The following FBN2 variants were observed in gnomAD, a reference collection of about 807,000 sequenced individuals.
The protein encoded by FBN2 is fibrillin-2.
A neutral mutation model predicts 355.6 loss-of-function variants in FBN2; 105 were observed. That is an observed-to-expected ratio of 0.30 (90% CI 0.25 to 0.35). The LOEUF is 0.35. FBN2 is among the 10% of genes least tolerant of loss of function. The pLI is 1.00. For synonymous variants in FBN2, 1,350 were observed against 1,301.2 expected, an observed-to-expected ratio of 1.04 and a Z score of -0.81; for missense variants, 3,280 against 3,758.7, an observed-to-expected ratio of 0.87 and a Z score of 3.33.
At chr5:128,340,260 A>G (rs1401657051) in intron 25 of FBN2, among the ~76,000 whole-genome samples, 1 of 152,220 alleles carries the variant, frequency 6.6e-6, no homozygotes, top group Non-Finnish European at 1.5e-5. Context: ...AAGTTTTAAA[A>G]TCACAGGATT....
intron 60 of FBN2, 44 bp downstream of exon 60, chr5:128,274,523 C>A (rs750128656): frequency 1.0e-6 from 1 of 1,003,708 alleles, no homozygotes; most frequent in South Asian, 1.3e-5. Context: ...TTTTATGCAT[C>A]TACTAGAAGT....
intron 6 of FBN2, 49 bp downstream of exon 6, chr5:128,464,675 G>C: frequency 6.3e-7 from 1 of 1,589,466 alleles, no homozygotes; most frequent in Admixed American, 1.7e-5. Context: ...CCAACAAAAA[G>C]AGAAGTGGCA....
At chr5:128,275,058 A>G (rs1765355936) in intron 59 of FBN2, among the ~76,000 whole-genome samples, 1 of 152,138 alleles carries the variant, frequency 6.6e-6, no homozygotes, top group Non-Finnish European at 1.5e-5. Context: ...TAAAAATGAA[A>G]CAGAATCTAG....
intron 5 of FBN2, among the ~76,000 whole-genome samples, chr5:128,496,023 G>A (rs58360227): frequency 8.4e-4 from 128 of 152,174 alleles, no homozygotes; most frequent in African/African-American, 3.0e-3. Context: ...TTTATAGTAG[G>A]TAAAGGGATT....
Position 128,335,262 on chromosome 5 carries a change from C to G in FBN2, c.3881G>C (p.Cys1294Ser), listed in dbSNP as rs1750804168. ...IDECENNPDI[C>S]DGGQCTNIPG... ...AATGTTGGTACACTGGCCGCCATCACAGATATCAGGATTGTTTTCACATTC... is the reference window on the plus strand; with the variant it reads ...AATGTTGGTACACTGGCCGCCATCAGAGATATCAGGATTGTTTTCACATTC... The change falls in exon 30 of 65, where the codon TGT becomes TCT. Residue 1294 changes from cysteine (C) to serine (S), a missense_variant. Transcript: ENST00000262464. The G allele has an allele frequency of 6.2e-7, 1 of 1,614,104 alleles. No homozygotes were observed. Among genetic ancestry groups the G allele is most frequent in the Non-Finnish European group, 8.5e-7 (1 of 1,179,982 alleles).
chr5:128,486,863 G>A (rs1185070544), intron 5 of FBN2, among the ~76,000 whole-genome samples: 1 of 152,074 alleles, frequency 6.6e-6, no homozygotes, highest in Non-Finnish European at 1.5e-5. Context: ...GAGAACTGCA[G>A]TGTTTGGTTT....
At chr5:128,397,865 T>C (rs1171627825) in intron 8 of FBN2, among the ~76,000 whole-genome samples, 1 of 152,100 alleles carries the variant, frequency 6.6e-6, no homozygotes, top group Admixed American at 6.6e-5. Context: ...AAAGCCCAGA[T>C]TCCACTCTCC....
intron 8 of FBN2, among the ~76,000 whole-genome samples, chr5:128,403,155 T>G (rs1486843940): frequency 2.0e-5 from 3 of 152,062 alleles, no homozygotes; most frequent in Non-Finnish European, 4.4e-5. Context: ...GTGTAATACA[T>G]AAATAATTCT....
intron 6 of FBN2, among the ~76,000 whole-genome samples, chr5:128,460,737 G>A (rs1400254269): frequency 1.3e-5 from 2 of 152,126 alleles, no homozygotes; most frequent in African/African-American, 2.4e-5. Context: ...CAACAAACCT[G>A]ACAAAAACAA....
intron 11 of FBN2, among the ~76,000 whole-genome samples, chr5:128,389,869 G>C (rs1208045338): frequency 2.0e-5 from 3 of 152,192 alleles, no homozygotes; most frequent in Admixed American, 6.5e-5. Flanking sequence ...CAGGGTCTGT[G>C]TGCTCCTTCC....
At chr5:128,430,098 G>A (rs559284525) in intron 7 of FBN2, among the ~76,000 whole-genome samples, 2 of 152,028 alleles carry the variant, frequency 1.3e-5, no homozygotes, top group South Asian at 2.1e-4. Context: ...TTTCTGTTAG[G>A]TGTTAGCCAT....
intron 16 of FBN2, among the ~76,000 whole-genome samples, chr5:128,368,359 G>A (rs1372441769): frequency 6.6e-6 from 1 of 150,462 alleles, no homozygotes; most frequent in Non-Finnish European, 1.5e-5. Flanking sequence ...TGTGACTTGA[G>A]ACCACTTGGT....
chr5:128,537,210 T>C (rs1756874389), intron 1 of FBN2, 140 bp downstream of exon 1: 3 of 1,410,742 alleles, frequency 2.1e-6, no homozygotes, highest in Middle Eastern at 2.5e-4. Context: ...TGGGGGTCTT[T>C]GGATATTCTG....
chr5:128,446,380 G>T, intron 7 of FBN2, 101 bp downstream of exon 7: 5 of 1,233,728 alleles, frequency 4.1e-6, no homozygotes, highest in Non-Finnish European at 5.9e-6. Flanking sequence ...TAGATAAAGA[G>T]TTTTAATTGT....
Position 128,263,278 on chromosome 5 carries a change from G to GT in FBN2, c.8192+146dup, listed in dbSNP as rs1424938493. The GT allele has an allele frequency of 1.0e-5, 7 of 697,220 alleles. No individual in the cohort carries two copies. In the African/African-American group the frequency reaches 1.2e-4, roughly 12 times the overall value. The allele number at this position is 697,220 out of a possible 1,614,324, so 43.2% of individuals were successfully genotyped here. On this transcript the variant is annotated intron_variant, in intron 63 of 64. Transcript: ENST00000262464. The stretch of plus-strand genomic sequence containing the variant: ...AGCACAGTCCGTGTGTGCTTTCTTG[G>GT]TATTTATCTGCATACCCGAAGAGTT...
chr5:128,321,144 G>T (rs1484287784), intron 34 of FBN2, among the ~76,000 whole-genome samples: 1 of 152,016 alleles, frequency 6.6e-6, no homozygotes, highest in Non-Finnish European at 1.5e-5. Context: ...GAAATCACAG[G>T]TGTTTTCTAC....
chr5:128,343,643 G>A (rs1751089351), intron 25 of FBN2, among the ~76,000 whole-genome samples: 1 of 152,200 alleles, frequency 6.6e-6, no homozygotes, highest in Non-Finnish European at 1.5e-5. Context: ...CAAAGAGAAT[G>A]TTATGGGTAT....
intron 49 of FBN2, among the ~76,000 whole-genome samples, chr5:128,291,142 CAG>C (rs1352183912): frequency 3.9e-5 from 6 of 152,154 alleles, no homozygotes; most frequent in Admixed American, 6.5e-5. Flanking sequence ...GATTTCCACA[CAG>C]AGTCTCTTTT....
intron 25 of FBN2, among the ~76,000 whole-genome samples, chr5:128,342,739 T>C (rs1186148367): frequency 1.3e-5 from 2 of 151,824 alleles, no homozygotes; most frequent in African/African-American, 4.8e-5. Context: ...AGATTTTTTT[T>C]TTTTTTGAGA....
Sources: gnomAD v4.1 joint callset for allele counts (sites outside exome capture counted in the v4.1 genomes callset) on GRCh38, gnomAD v4.1.1 for gene constraint, MANE v1.5 for transcripts, NCBI Gene and HGNC (gene_info 2026-07-23, HGNC 2026-07-21) for gene names.